CDH13: variants seen among roughly 807,000 people sequenced by gnomAD.
CDH13 encodes cadherin-13.
In CDH13, 24 loss-of-function variants were observed where a neutral mutation model predicts 63.8. The observed-to-expected ratio is 0.38, with a 90% CI of 0.27 to 0.53. CDH13 has a LOEUF of 0.53. Ranked by LOEUF, CDH13 falls within the 20% of genes least tolerant of loss-of-function variation. The pLI is 0.85. For missense variants in CDH13, 1,049 were observed against 903.1 expected (o/e 1.16, Z -2.07); for synonymous variants, 503 against 355.3 (o/e 1.42, Z -4.67).
chr16:83,166,386 T>A (rs1439625391), intron 4 of CDH13, among the ~76,000 whole-genome samples: 2 of 152,072 alleles, frequency 1.3e-5, no homozygotes, highest in Non-Finnish European at 2.9e-5. Flanking sequence ...GAAGAGTAAT[T>A]GGGCTAAGAT....
chr16:83,087,697 A>AAAAAAAAAAAAAAAAAAAAAAC (rs1567817140), intron 3 of CDH13, among the ~76,000 whole-genome samples: 2 of 144,300 alleles, frequency 1.4e-5, no homozygotes, highest in African/African-American at 5.4e-5. Flanking sequence ...AAAAAAAAAA[A>AAAAAAAAAAAAAAAAAAAAAAC]GCCTAGCACC....
At chr16:82,791,845 T>C (rs181106282) in intron 1 of CDH13, among the ~76,000 whole-genome samples, 6 of 152,284 alleles carry the variant, frequency 3.9e-5, no homozygotes, top group Admixed American at 3.9e-4. Flanking sequence ...TAACACTCAC[T>C]GCATGTGCCA....
chr16:83,795,133 A>T lies in CDH13; in HGVS notation c.*103A>T, dbSNP rs1904275545. ...TTGCGGTTTACAGCTATCGAACTTC[A>T]CAACTAGGCCTCAATTGTTCCGGTT... On this transcript the variant is annotated 3_prime_UTR_variant, in exon 14 of 14. Transcript: ENST00000567109. 5 of 922,240 alleles carry T rather than the reference A, an allele frequency of 5.4e-6. No individual in the cohort carries two copies. In the Admixed American group the frequency reaches 1.2e-4, roughly 23 times the overall value. The allele number at this position is 922,240 out of a possible 1,614,324, so 57.1% of individuals were successfully genotyped here.
intron 6 of CDH13, among the ~76,000 whole-genome samples, chr16:83,379,127 C>G (rs1382389712): frequency 6.6e-6 from 1 of 152,088 alleles, no homozygotes; most frequent in Non-Finnish European, 1.5e-5. Flanking sequence ...CTTTTGTCTT[C>G]AACCTGGTTT....
intron 2 of CDH13, among the ~76,000 whole-genome samples, chr16:83,011,312 G>C (rs185790088): frequency 6.2e-4 from 94 of 152,240 alleles, no homozygotes; most frequent in Middle Eastern, 6.8e-3. Flanking sequence ...CGTCATGCTT[G>C]CAAAGTCTTA....
intron 1 of CDH13, among the ~76,000 whole-genome samples, chr16:82,799,060 A>C (rs1597623069): frequency 6.6e-6 from 1 of 152,108 alleles, no homozygotes; most frequent in East Asian, 1.9e-4. Context: ...GGACTATTCA[A>C]ACCCAGCAAT....
At chr16:83,603,376 T>G (rs1429125506) in intron 8 of CDH13, among the ~76,000 whole-genome samples, 1 of 152,204 alleles carries the variant, frequency 6.6e-6, no homozygotes, top group African/African-American at 2.4e-5. Context: ...GTATCTACCA[T>G]GGTGTCTCCC....
intron 7 of CDH13, among the ~76,000 whole-genome samples, chr16:83,489,046 C>G (rs563107979): frequency 9.9e-4 from 151 of 152,292 alleles, no homozygotes; most frequent in African/African-American, 3.5e-3. Flanking sequence ...GCCAGCTTTT[C>G]TATAGTCCTT....
At chr16:82,822,160 C>T (rs914413224) in intron 1 of CDH13, among the ~76,000 whole-genome samples, 4 of 152,038 alleles carry the variant, frequency 2.6e-5, no homozygotes, top group South Asian at 2.1e-4. Flanking sequence ...TACCCGGGGA[C>T]ACAAGGCTAT....
intron 1 of CDH13, among the ~76,000 whole-genome samples, chr16:82,631,302 T>G (rs556693002): frequency 6.6e-6 from 1 of 152,358 alleles, no homozygotes; most frequent in Admixed American, 6.5e-5. Context: ...CTTGATTTCA[T>G]TCTTTAGGTA....
At chr16:83,144,425 C>T (rs901739503) in intron 4 of CDH13, among the ~76,000 whole-genome samples, 1 of 152,208 alleles carries the variant, frequency 6.6e-6, no homozygotes, top group Admixed American at 6.5e-5. Context: ...GTAGTCCATT[C>T]TACCTGTCTG....
intron 3 of CDH13, among the ~76,000 whole-genome samples, chr16:83,058,878 C>T (rs1201606071): frequency 6.6e-6 from 1 of 152,116 alleles, no homozygotes; most frequent in Non-Finnish European, 1.5e-5. Flanking sequence ...CAAGGCTTTG[C>T]AAGGATATTT....
chr16:83,657,502 G>C (rs1242120835), intron 8 of CDH13, among the ~76,000 whole-genome samples: 4 of 152,186 alleles, frequency 2.6e-5, no homozygotes, highest in African/African-American at 9.7e-5. Flanking sequence ...TCTATGCTCA[G>C]GATGACAGCC....
chr16:83,354,712 C>T (rs956424855), intron 6 of CDH13, among the ~76,000 whole-genome samples: 4 of 152,136 alleles, frequency 2.6e-5, no homozygotes, highest in African/African-American at 9.7e-5. Context: ...GTGCAGAGAC[C>T]TGAGGCAGGA....
intron 6 of CDH13, among the ~76,000 whole-genome samples, chr16:83,427,021 G>A (rs1468103984): frequency 1.5e-5 from 2 of 137,034 alleles, no homozygotes; most frequent in Non-Finnish European, 3.0e-5. Flanking sequence ...CCGCCTCCCA[G>A]GTTCACGCCA....
intron 7 of CDH13, among the ~76,000 whole-genome samples, chr16:83,574,347 A>G (rs971687980): frequency 7.2e-5 from 11 of 152,152 alleles, no homozygotes. Context: ...CGGCCTGATT[A>G]TTGACACGTT....
At chr16:83,006,513 C>T (rs1355117770) in intron 2 of CDH13, among the ~76,000 whole-genome samples, 5 of 152,026 alleles carry the variant, frequency 3.3e-5, no homozygotes, top group Admixed American at 6.6e-5. Flanking sequence ...ACTAGCCAAG[C>T]GCTTGACTGC....
At chr16:83,282,443 T>C (rs184548496) in intron 5 of CDH13, among the ~76,000 whole-genome samples, 52 of 152,288 alleles carry the variant, frequency 3.4e-4, no homozygotes, top group African/African-American at 1.1e-3. Context: ...TATCTGTGAA[T>C]AGGAGAAGCT....
At chr16:82,797,826 C>T (rs1176804401) in intron 1 of CDH13, among the ~76,000 whole-genome samples, 1 of 136,470 alleles carries the variant, frequency 7.3e-6, no homozygotes, top group Non-Finnish European at 1.6e-5. Context: ...TGTATGTGTA[C>T]ATACTTTTCC....
Sources: gnomAD v4.1 joint callset for allele counts (sites outside exome capture counted in the v4.1 genomes callset) on GRCh38, gnomAD v4.1.1 for gene constraint, MANE v1.5 for transcripts, NCBI Gene and HGNC (gene_info 2026-07-23, HGNC 2026-07-21) for gene names.